PDE3A: variants seen among roughly 807,000 people sequenced by gnomAD.
PDE3A encodes the protein cGMP-inhibited 3',5'-cyclic phosphodiesterase 3A.
Under a neutral mutation model 98.3 loss-of-function variants are expected in PDE3A, and 43 were observed. The observed-to-expected ratio is 0.44, with a 90% confidence interval of 0.34 to 0.56. The LOEUF (loss-of-function observed/expected upper bound fraction) is 0.56. PDE3A is among the 20% of genes least tolerant of loss of function. The pLI is 0.01. For synonymous variants in PDE3A, 663 were observed against 567.9 expected, an observed-to-expected ratio of 1.17 and a Z score of -2.38; for missense variants, 1,427 against 1,440.7, an observed-to-expected ratio of 0.99 and a Z score of 0.15.
intron 1 of PDE3A, among the ~76,000 whole-genome samples, chr12:20,513,780 T>C (rs990450461): frequency 1.3e-5 from 2 of 152,190 alleles, no homozygotes; most frequent in Admixed American, 1.3e-4. Flanking sequence ...ACTGAGATGA[T>C]TGAAACAATT....
Position 20,414,056 on chromosome 12 carries a change from T to C in PDE3A, c.960+43812T>C, listed in dbSNP as rs146959168. ...AGATAACAGAATGTGATTCCTGAGA[T>C]GAGAAAAACTGGCCAAAGAACAGAT... On this transcript the variant is annotated intron_variant, in intron 1 of 15. Transcript: ENST00000359062. 3.0e-3 allele frequency among the ~76,000 whole-genome samples: 452 copies of C among 152,272 alleles called. 4 individuals are homozygous for C. Among genetic ancestry groups the C allele is most frequent in the African/African-American group, 0.01 (434 of 41,556 alleles).
intron 2 of PDE3A, among the ~76,000 whole-genome samples, chr12:20,583,787 G>A (rs763077952): frequency 6.6e-6 from 1 of 151,988 alleles, no homozygotes; most frequent in African/African-American, 2.4e-5. Context: ...AATGAAAATT[G>A]TTTTAAGTAA....
chr12:20,561,522 A>G (rs1326362540), intron 2 of PDE3A, among the ~76,000 whole-genome samples: 1 of 152,178 alleles, frequency 6.6e-6, no homozygotes. Context: ...GAATTTTAAC[A>G]TATTTTACTT....
At chr12:20,401,825 C>T (rs1004816492) in intron 1 of PDE3A, among the ~76,000 whole-genome samples, 1 of 152,170 alleles carries the variant, frequency 6.6e-6, no homozygotes, top group African/African-American at 2.4e-5. Context: ...GCCCACCTCT[C>T]CTGCGCCCCA....
chr12:20,500,760 C>T (rs1211485396), intron 1 of PDE3A, among the ~76,000 whole-genome samples: 1 of 142,422 alleles, frequency 7.0e-6, no homozygotes, highest in African/African-American at 2.5e-5. Context: ...GGCTTTCATT[C>T]TTTCTTTCTT....
chr12:20,568,568 C>T (rs1234603508), intron 2 of PDE3A, among the ~76,000 whole-genome samples: 1 of 151,838 alleles, frequency 6.6e-6, no homozygotes, highest in African/African-American at 2.4e-5. Flanking sequence ...TACTAGATAT[C>T]AAATTGTTGA....
chr12:20,501,043 T>C (rs959722744), intron 1 of PDE3A, among the ~76,000 whole-genome samples: 5 of 152,262 alleles, frequency 3.3e-5, no homozygotes, highest in East Asian at 3.9e-4. Flanking sequence ...GCTAGAATTA[T>C]AGGCATGAGC....
chr12:20,427,777 A>G (rs1944625602), intron 1 of PDE3A, among the ~76,000 whole-genome samples: 1 of 152,138 alleles, frequency 6.6e-6, no homozygotes, highest in East Asian at 1.9e-4. Flanking sequence ...CCAGAATTAA[A>G]AGGCACAGTC....
intron 1 of PDE3A, among the ~76,000 whole-genome samples, chr12:20,428,281 G>T (rs12372267): frequency 0.017 from 2,518 of 152,138 alleles, 53 homozygotes; most frequent in African/African-American, 0.048. Flanking sequence ...ATTATTATTA[G>T]TAGTAGTAGT....
At chr12:20,668,046 G>A (rs570893204) in intron 15 of PDE3A, among the ~76,000 whole-genome samples, 244 of 152,314 alleles carry the variant, frequency 1.6e-3, no homozygotes, top group African/African-American at 5.6e-3. Context: ...GAAACGCAAG[G>A]GGTCAGGGAG....
At chr12:20,541,431 A>G (rs1264880916) in intron 1 of PDE3A, among the ~76,000 whole-genome samples, 3 of 151,890 alleles carry the variant, frequency 2.0e-5, no homozygotes, top group South Asian at 4.1e-4. Context: ...TTTGCCTTCA[A>G]TCAAGGATAC....
At position 20,613,718 on chromosome 12, in the gene PDE3A, A is replaced by G; in HGVS notation, c.1269+18A>G. 6.2e-7 allele frequency: 1 copy of G among 1,605,698 alleles called. No homozygotes were observed. The highest frequency in any genetic ancestry group is 8.5e-7 in the Non-Finnish European group (1 of 1,172,546). ...TTCCAAAGGTAGGTAGTAATGACAT[A>G]CCCCTTAAAGGGTTAAACTATTTTT... On this transcript the variant is annotated intron_variant, in intron 3 of 15. Transcript: ENST00000359062.
At chr12:20,412,116 T>C (rs963123047) in intron 1 of PDE3A, among the ~76,000 whole-genome samples, 8 of 152,198 alleles carry the variant, frequency 5.3e-5, no homozygotes, top group African/African-American at 1.7e-4. Context: ...ACACGTGTAA[T>C]TTTAAACACT....
At chr12:20,659,031 C>T (rs1344951167) in intron 15 of PDE3A, among the ~76,000 whole-genome samples, 1 of 152,118 alleles carries the variant, frequency 6.6e-6, no homozygotes, top group Non-Finnish European at 1.5e-5. Flanking sequence ...TTGGCACTCT[C>T]TCTTACAGAG....
At chr12:20,615,737 A>T (rs1327520989) in intron 3 of PDE3A, among the ~76,000 whole-genome samples, 1 of 151,338 alleles carries the variant, frequency 6.6e-6, no homozygotes, top group Admixed American at 6.6e-5. Context: ...TTATTTATTT[A>T]TTTATTAGAC....
intron 1 of PDE3A, among the ~76,000 whole-genome samples, chr12:20,529,436 C>T (rs546068281): frequency 6.6e-6 from 1 of 152,160 alleles, no homozygotes; most frequent in East Asian, 1.9e-4. Context: ...AGCCCTAACA[C>T]CTCAGAATGT....
Position 20,613,720 on chromosome 12 carries a change from C to T in PDE3A, c.1269+20C>T, listed in dbSNP as rs770220781. The T allele has an allele frequency of 6.2e-7, 1 of 1,601,454 alleles. No homozygotes were observed. The highest frequency in any genetic ancestry group is 1.1e-5 in the South Asian group (1 of 90,802). ...CCAAAGGTAGGTAGTAATGACATAC[C>T]CCTTAAAGGGTTAAACTATTTTTTT... On this transcript the variant is annotated intron_variant, in intron 3 of 15. Transcript: ENST00000359062.
At chr12:20,473,011 G>T (rs531096717) in intron 1 of PDE3A, among the ~76,000 whole-genome samples, 3 of 152,170 alleles carry the variant, frequency 2.0e-5, no homozygotes, top group African/African-American at 4.8e-5. Context: ...TATGCAGTAA[G>T]TTATAAGACC....
chr12:20,646,942 G>T lies in PDE3A; in HGVS notation c.2557G>T (p.Ala853Ser). The change falls in exon 12 of 16, where the codon GCT becomes TCT. Residue 853 changes from alanine (A) to serine (S), a missense_variant. Physicochemically the swap from Ala to Ser is moderately conservative, Grantham distance 99. Transcript: ENST00000359062. ...TAATGCTTTCCTGGTTGCAACTAGT[G>T]CTCCTCAGGTAAATCTTTAGATTTT... ...RTNAFLVATSAPQAVLYNDRS... is the reference protein window; with the variant it reads ...RTNAFLVATSSPQAVLYNDRS... 6.2e-7 allele frequency: 1 copy of T among 1,609,604 alleles called. No homozygotes were observed. The highest frequency in any genetic ancestry group is 8.5e-7 in the Non-Finnish European group (1 of 1,176,022).
Sources: allele counts gnomAD v4.1 joint callset (sites outside exome capture counted in the v4.1 genomes callset), GRCh38; gene constraint gnomAD v4.1.1; transcripts MANE v1.5; gene names NCBI Gene and HGNC (gene_info 2026-07-23, HGNC 2026-07-21).